The following TTC28 variants were observed in gnomAD, a reference collection of about 807,000 sequenced individuals.
TTC28 encodes the protein tetratricopeptide repeat protein 28.
In TTC28, 61 loss-of-function variants were observed where a neutral mutation model predicts 198.0. That is an observed-to-expected ratio of 0.31 (90% confidence interval 0.25 to 0.38). TTC28 has a LOEUF of 0.38. Among genes scored for constraint, TTC28 ranks in the 10% least tolerant of loss-of-function variants. The pLI is 1.00. For missense variants in TTC28, 2,678 were observed against 3,164.0 expected (o/e 0.85, Z 3.69); for synonymous variants, 1,171 against 1,297.8 (o/e 0.90, Z 2.10).
intron 5 of TTC28, among the ~76,000 whole-genome samples, chr22:28,239,004 C>G (rs1601518263): frequency 6.6e-6 from 1 of 152,262 alleles, no homozygotes; most frequent in Admixed American, 6.5e-5. Flanking sequence ...GCAAAGTATT[C>G]TAGGTAGAAA....
chr22:28,059,098 T>C (rs1422047329), intron 12 of TTC28, among the ~76,000 whole-genome samples: 1 of 152,014 alleles, frequency 6.6e-6, no homozygotes, highest in Non-Finnish European at 1.5e-5. Context: ...TTCTCTTTCA[T>C]GGATTTCTGT....
intron 12 of TTC28, among the ~76,000 whole-genome samples, chr22:28,080,620 C>G (rs1941312866): frequency 6.6e-6 from 1 of 152,078 alleles, no homozygotes; most frequent in Admixed American, 6.6e-5. Flanking sequence ...AATAATTTCT[C>G]CCATTCATAG....
At chr22:28,529,313 C>T (rs537932529) in intron 2 of TTC28, among the ~76,000 whole-genome samples, 1 of 152,324 alleles carries the variant, frequency 6.6e-6, no homozygotes, top group South Asian at 2.1e-4. Context: ...TCACTGCTAG[C>T]ACAGCAGTCT....
At position 28,266,748 on chromosome 22, in the gene TTC28, G is replaced by A. The variant is rs538132886; in HGVS notation, c.933+29450C>T. Reference sequence around the variant, plus strand: ...ATGGAACCCAGCTCAGATCAAAGATGTATAAGCAAAAATAAATGTGTATGG... The same window carrying A: ...ATGGAACCCAGCTCAGATCAAAGATATATAAGCAAAAATAAATGTGTATGG... On this transcript the variant is annotated intron_variant, in intron 5 of 22. Transcript: ENST00000397906. 9.3e-4 allele frequency among the ~76,000 whole-genome samples: 141 copies of A among 152,252 alleles called. 1 individual carries two copies. Among genetic ancestry groups the A allele is most frequent in the African/African-American group, 3.2e-3 (134 of 41,558 alleles).
At chr22:28,019,391 C>T (rs1938503274) in intron 13 of TTC28, among the ~76,000 whole-genome samples, 1 of 152,202 alleles carries the variant, frequency 6.6e-6, no homozygotes, top group Non-Finnish European at 1.5e-5. Flanking sequence ...GTGTGGGCAT[C>T]AGGCATGGGA....
intron 2 of TTC28, among the ~76,000 whole-genome samples, chr22:28,537,894 G>A (rs1365877869): frequency 6.6e-6 from 1 of 152,102 alleles, no homozygotes; most frequent in East Asian, 1.9e-4. Flanking sequence ...GCTATGGGAG[G>A]CTGAGGTGGA....
intron 22 of TTC28, 122 bp from the exon 23 acceptor site, chr22:27,983,973 T>C: frequency 9.7e-7 from 1 of 1,030,570 alleles, no homozygotes; most frequent in South Asian, 1.7e-5. Flanking sequence ...CAAGAGCTAC[T>C]CATATTAATC....
At chr22:28,185,652 G>A (rs1446245892) in intron 5 of TTC28, among the ~76,000 whole-genome samples, 3 of 152,030 alleles carry the variant, frequency 2.0e-5, no homozygotes, top group Admixed American at 1.3e-4. Flanking sequence ...AATAACTACA[G>A]TATGTTTACT....
intron 5 of TTC28, among the ~76,000 whole-genome samples, chr22:28,189,065 T>G (rs2147121790): frequency 6.6e-6 from 1 of 152,184 alleles, no homozygotes; most frequent in African/African-American, 2.4e-5. Flanking sequence ...CACAAAGTAT[T>G]GTTGGGCACA....
At chr22:28,211,781 C>CT (rs1280937697) in intron 5 of TTC28, among the ~76,000 whole-genome samples, 1 of 152,102 alleles carries the variant, frequency 6.6e-6, no homozygotes, top group Non-Finnish European at 1.5e-5. Context: ...CCAAGCAGAC[C>CT]TAATAGACAT....
chr22:28,397,894 C>T (rs2046842063), intron 2 of TTC28, among the ~76,000 whole-genome samples: 1 of 152,150 alleles, frequency 6.6e-6, no homozygotes, highest in African/African-American at 2.4e-5. Context: ...GCTTTGAGTC[C>T]AGGATCCCTG....
At chr22:28,407,490 A>C (rs1378249543) in intron 2 of TTC28, among the ~76,000 whole-genome samples, 1 of 151,692 alleles carries the variant, frequency 6.6e-6, no homozygotes, top group Non-Finnish European at 1.5e-5. Context: ...ACACACACAC[A>C]CACACAGTAA....
At chr22:28,555,688 A>G (rs1316773374) in intron 2 of TTC28, among the ~76,000 whole-genome samples, 1 of 152,168 alleles carries the variant, frequency 6.6e-6, no homozygotes, top group Admixed American at 6.5e-5. Context: ...TTTGGGGATT[A>G]CAGGGAAAGG....
chr22:28,233,818 C>T (rs1929006130), intron 5 of TTC28, among the ~76,000 whole-genome samples: 1 of 152,042 alleles, frequency 6.6e-6, no homozygotes, highest in Non-Finnish European at 1.5e-5. Flanking sequence ...AATCTCAGCT[C>T]ACTGCAACTT....
At position 28,551,613 on chromosome 22, in the gene TTC28, T is replaced by C. The variant is rs1015574071; in HGVS notation, c.381+77939A>G. 2.6e-5 allele frequency among the ~76,000 whole-genome samples: 4 copies of C among 151,898 alleles called. No homozygotes were observed. The South Asian group carries it at 8.3e-4, about 32-fold the overall frequency. The stretch of plus-strand genomic sequence containing the variant: ...AATGTGTTATACCACATAAACAGAG[T>C]TGAAAGCAAAAATCACATGATCATC... On this transcript the variant is annotated intron_variant, in intron 2 of 22. Coordinates refer to ENST00000397906, the MANE Select transcript of TTC28 (RefSeq NM_001145418.2).
At chr22:28,592,068 G>A (rs1397364298) in intron 2 of TTC28, among the ~76,000 whole-genome samples, 4 of 152,104 alleles carry the variant, frequency 2.6e-5, no homozygotes, top group Non-Finnish European at 5.9e-5. Context: ...AGAGGCAAGA[G>A]CAAGTTGGGC....
chr22:28,468,705 T>TG (rs2048059386), intron 2 of TTC28, among the ~76,000 whole-genome samples: 1 of 148,338 alleles, frequency 6.7e-6, no homozygotes. Flanking sequence ...TTTTTTTTTT[T>TG]TTTTTGTATT....
chr22:28,386,812 GTTT>G, intron 2 of TTC28, among the ~76,000 whole-genome samples: 1 of 150,916 alleles, frequency 6.6e-6, no homozygotes. Flanking sequence ...CTTTCTTATA[GTTT>G]TTTTTTGTTT....
chr22:28,285,290 A>G (rs2044661396), intron 5 of TTC28, among the ~76,000 whole-genome samples: 1 of 152,234 alleles, frequency 6.6e-6, no homozygotes, highest in South Asian at 2.1e-4. Flanking sequence ...TAAGCCAGAA[A>G]CAGAAAGACA....
Sources: allele counts gnomAD v4.1 joint callset (sites outside exome capture counted in the v4.1 genomes callset), GRCh38; gene constraint gnomAD v4.1.1; transcripts MANE v1.5; gene names NCBI Gene and HGNC (gene_info 2026-07-23, HGNC 2026-07-21).